Variants in DNAH9 observed in about 807,000 individuals in gnomAD.
The protein encoded by DNAH9 is DNAH9 variant protein.
Under a neutral mutation model 471.6 loss-of-function variants are expected in DNAH9, and 345 were observed. That is an observed-to-expected ratio of 0.73 (90% CI 0.67 to 0.80). The LOEUF (loss-of-function observed/expected upper bound fraction) is 0.80. Among genes scored for constraint, DNAH9 ranks in the 30% least tolerant of loss-of-function variants. The pLI, the probability that DNAH9 is intolerant of heterozygous loss-of-function variation, is 0.00. For missense variants in DNAH9, 5,407 were observed against 5,609.2 expected (o/e 0.96, Z 1.15); for synonymous variants, 2,093 against 2,123.6 (o/e 0.99, Z 0.40).
intron 26 of DNAH9, among the ~76,000 whole-genome samples, chr17:11,714,549 C>A (rs145867995): frequency 2.0e-4 from 30 of 152,260 alleles, no homozygotes; most frequent in African/African-American, 6.7e-4. Flanking sequence ...TAAGGACCCT[C>A]ACCCTTCTAT....
At chr17:11,794,525 C>T (rs764686956) in intron 42 of DNAH9, among the ~76,000 whole-genome samples, 1 of 152,184 alleles carries the variant, frequency 6.6e-6, no homozygotes, top group African/African-American at 2.4e-5. Flanking sequence ...CTTCTCTTCT[C>T]CAGGCGAAAT....
At chr17:11,871,447 A>G in intron 51 of DNAH9, 151 bp from the exon 52 acceptor site, 2 of 673,572 alleles carry the variant, frequency 3.0e-6, no homozygotes, top group Non-Finnish European at 5.1e-6. Context: ...TACAGGCAGC[A>G]CAAATCCCCA....
At chr17:11,800,530 AC>A (rs1352925151) in intron 43 of DNAH9, among the ~76,000 whole-genome samples, 2 of 149,686 alleles carry the variant, frequency 1.3e-5, no homozygotes, top group Non-Finnish European at 3.0e-5. Context: ...TCCATCTACT[AC>A]CCCCATTTCT....
chr17:11,862,540 T>C (rs1039585369), intron 50 of DNAH9, among the ~76,000 whole-genome samples: 2 of 148,568 alleles, frequency 1.3e-5, no homozygotes, highest in African/African-American at 5.0e-5. Flanking sequence ...AAAGTAGTTT[T>C]TTCCAATTCT....
chr17:11,682,227 CTG>C (rs988086216), intron 19 of DNAH9, among the ~76,000 whole-genome samples: 2 of 152,032 alleles, frequency 1.3e-5, no homozygotes, highest in African/African-American at 2.4e-5. Context: ...ATCTTACTCT[CTG>C]TAACTCCAAG....
chr17:11,782,869 C>G (rs1409454457), intron 39 of DNAH9, among the ~76,000 whole-genome samples: 1 of 152,168 alleles, frequency 6.6e-6, no homozygotes, highest in East Asian at 1.9e-4. Context: ...GCACTCCAGC[C>G]TGGGTGACCG....
chr17:11,705,323 G>A, intron 26 of DNAH9, 138 bp downstream of exon 26: 1 of 691,024 alleles, frequency 1.4e-6, no homozygotes, highest in Non-Finnish European at 2.4e-6. Context: ...AACACAGCCT[G>A]TTTAAAGTGA....
chr17:11,893,710 G>T (rs896806740), intron 58 of DNAH9, among the ~76,000 whole-genome samples: 7 of 152,150 alleles, frequency 4.6e-5, no homozygotes, highest in Middle Eastern at 3.4e-3. Context: ...GGGCCTGTCA[G>T]GGGGTGGAGG....
At chr17:11,775,370 G>T (rs144964740) in intron 38 of DNAH9, among the ~76,000 whole-genome samples, 5,890 of 151,844 alleles carry the variant, frequency 0.039, 157 homozygotes, top group African/African-American at 0.068. Context: ...AGCCCCAACT[G>T]CCAAAAACAA....
At chr17:11,760,311 A>C (rs1967608548) in intron 35 of DNAH9, among the ~76,000 whole-genome samples, 1 of 152,170 alleles carries the variant, frequency 6.6e-6, no homozygotes. Context: ...TTTAACTAAA[A>C]GTCTGCTATT....
Position 11,629,525 on chromosome 17 carries a change from C to T in DNAH9, c.1459C>T (p.Gln487Ter). 6.2e-7 allele frequency: 1 copy of T among 1,614,144 alleles called. No individual in the cohort carries two copies. The highest frequency in any genetic ancestry group is 2.2e-5 in the East Asian group (1 of 44,880). ...QQVQQMHEEF[Q>*]EMYRLLSGSS... ...GGTCCAGCAAATGCATGAAGAATTT[C>T]AAGAGATGTACAGGCTTCTCTCAGG... is the stretch of plus-strand genomic sequence containing the variant. Residue 487 changes from glutamine (Q) to a stop codon, truncating the protein, a stop_gained, in exon 7 of 69, where the codon CAA becomes TAA. Transcript: ENST00000262442. LOFTEE classifies it high-confidence loss of function.
chr17:11,636,676 G>A lies in DNAH9; in HGVS notation c.1678G>A (p.Ala560Thr). Residue 560 changes from alanine (A) to threonine (T), a missense_variant, in exon 9 of 69, where the codon GCG becomes ACG. This residue lies in a region of DNAH9 where 4,636 missense variants were observed against 4,900.3 expected (regional missense o/e 0.95). Coordinates refer to ENST00000262442, the MANE Select transcript of DNAH9 (RefSeq NM_001372.4). ...AAACCTCCTTGAAAGACCGCTGGTA[G>A]CGAGGGATACATCTGATAAATACCT... is the stretch of plus-strand genomic sequence containing the variant. ...AGNLLERPLV[A>T]RDTSDKYLVL... The A allele has an allele frequency of 6.2e-7, 1 of 1,613,832 alleles. No homozygotes were observed. Among genetic ancestry groups the A allele is most frequent in the Non-Finnish European group, 8.5e-7 (1 of 1,179,748 alleles).
At chr17:11,679,265 C>G (rs1179195446) in intron 17 of DNAH9, among the ~76,000 whole-genome samples, 1 of 152,230 alleles carries the variant, frequency 6.6e-6, no homozygotes, top group Non-Finnish European at 1.5e-5. Context: ...TCTCCATCAA[C>G]ATATGATCAT....
intron 67 of DNAH9, among the ~76,000 whole-genome samples, chr17:11,947,772 ATTTTTTTTT>A (rs71367359): frequency 4.6e-5 from 5 of 108,344 alleles, no homozygotes; most frequent in Admixed American, 1.0e-4. Flanking sequence ...GCTGGGAACT[ATTTTTTTTT>A]TTTTTTTTTT....
chr17:11,614,461 A>T (rs1159305149), intron 4 of DNAH9, among the ~76,000 whole-genome samples: 2 of 152,206 alleles, frequency 1.3e-5, no homozygotes. Flanking sequence ...GGAAAGCAAC[A>T]GTCCCCTTGA....
intron 26 of DNAH9, among the ~76,000 whole-genome samples, chr17:11,711,144 A>G (rs547053474): frequency 6.6e-6 from 1 of 151,986 alleles, no homozygotes; most frequent in African/African-American, 2.4e-5. Flanking sequence ...GATTGGTCCT[A>G]TTTGGATCAT....
chr17:11,670,685 C>T (rs1020961026), intron 17 of DNAH9, among the ~76,000 whole-genome samples: 3 of 151,058 alleles, frequency 2.0e-5, no homozygotes, highest in Non-Finnish European at 2.9e-5. Context: ...CCCTAGGAAA[C>T]CCCAAGAACG....
Position 11,756,671 on chromosome 17 carries a change from G to A in DNAH9, c.6842G>A (p.Arg2281Lys). ...ACAGCCACTCCAGCAACTGTCTCTA[G>A]AGCAGGTACGGCCCAAGAAGGGAAG... ...LRTATPATVS[R>K]AGILYINPAD... The change falls in exon 34 of 69, where the codon AGA (arginine) becomes AAA (lysine). Residue 2281 changes from arginine (R) to lysine (K), a missense_variant. Arg to Lys is a conservative substitution (Grantham distance 26, BLOSUM62 2). Around this residue, in one of 3 missense-constraint regions of DNAH9, gnomAD observed 4,636 missense variants for 4,900.3 expected, o/e 0.95. Transcript: ENST00000262442. 1 of 1,600,776 alleles carries A rather than the reference G, an allele frequency of 6.2e-7. No homozygotes were observed.
At chr17:11,866,506 A>G (rs1206581378) in intron 50 of DNAH9, among the ~76,000 whole-genome samples, 1 of 152,212 alleles carries the variant, frequency 6.6e-6, no homozygotes, top group African/African-American at 2.4e-5. Flanking sequence ...GCCCGTTCTC[A>G]GATCTCCAGC....
Sources: gnomAD v4.1 joint callset for allele counts (sites outside exome capture counted in the v4.1 genomes callset) on GRCh38, gnomAD v4.1.1 for gene constraint, gnomAD v4.1.1 regional missense constraint, MANE v1.5 for transcripts, NCBI Gene and HGNC (gene_info 2026-07-23, HGNC 2026-07-21) for gene names.